The following PRKN variants were observed in gnomAD, a reference collection of about 807,000 sequenced individuals.
The protein encoded by PRKN is parkin RBR E3 ubiquitin protein ligase, also known as E3 ubiquitin-protein ligase parkin.
Under a neutral mutation model 59.5 loss-of-function variants are expected in PRKN, and 56 were observed. The ratio of observed to expected loss-of-function variants is 0.94; its 90% confidence interval spans 0.76 to 1.18. The LOEUF is 1.18. PRKN is among the 50% of genes most tolerant of loss of function. The pLI, the probability that PRKN is intolerant of heterozygous loss-of-function variation, is 0.00. For synonymous variants in PRKN, 250 were observed against 222.1 expected (o/e 1.13, Z -1.12); for missense variants, 657 against 596.4 (o/e 1.10, Z -1.06).
intron 6 of PRKN, among the ~76,000 whole-genome samples, chr6:161,951,718 C>T (rs1292291596): frequency 6.6e-6 from 1 of 152,082 alleles, no homozygotes; most frequent in East Asian, 1.9e-4. Context: ...GAGTTGGAGA[C>T]CAGCCTGGCC....
At chr6:161,855,099 GA>G (rs1192856013) in intron 6 of PRKN, among the ~76,000 whole-genome samples, 7,849 of 130,848 alleles carry the variant, frequency 0.06, 209 homozygotes, top group Non-Finnish European at 0.071. Flanking sequence ...AAAAAAAAAA[GA>G]AAAAAAAAAA....
At chr6:162,488,746 G>A (rs1279537723) in intron 1 of PRKN, among the ~76,000 whole-genome samples, 4 of 152,142 alleles carry the variant, frequency 2.6e-5, no homozygotes, top group African/African-American at 9.7e-5. Context: ...AGGCCCCGAC[G>A]CATAGCAAGG....
intron 8 of PRKN, among the ~76,000 whole-genome samples, chr6:161,558,157 G>A (rs1780311900): frequency 6.6e-6 from 1 of 152,150 alleles, no homozygotes; most frequent in African/African-American, 2.4e-5. Context: ...ATCTTTTGCT[G>A]ACATCCACAC....
intron 9 of PRKN, among the ~76,000 whole-genome samples, chr6:161,411,170 G>A (rs1787524670): frequency 6.6e-6 from 1 of 152,094 alleles, no homozygotes; most frequent in African/African-American, 2.4e-5. Flanking sequence ...CAGTGACATG[G>A]CTTGGCTGTG....
intron 11 of PRKN, among the ~76,000 whole-genome samples, chr6:161,350,457 T>G (rs1460350900): frequency 1.3e-5 from 2 of 151,032 alleles, no homozygotes; most frequent in East Asian, 3.9e-4. Flanking sequence ...GGAACAAATT[T>G]TATTTGTAAA....
At chr6:161,883,514 G>A (rs1795021011) in intron 6 of PRKN, among the ~76,000 whole-genome samples, 1 of 146,256 alleles carries the variant, frequency 6.8e-6, no homozygotes, top group East Asian at 2.1e-4. Context: ...GGAAGGTGGG[G>A]AGGGGAGGGG....
intron 2 of PRKN, among the ~76,000 whole-genome samples, chr6:162,346,900 T>G (rs1049262493): frequency 2.6e-5 from 4 of 151,954 alleles, no homozygotes; most frequent in African/African-American, 9.7e-5. Context: ...TATATATGTG[T>G]CTATATCTAT....
chr6:161,376,013 C>A lies in PRKN; in HGVS notation c.1167+10781G>T, dbSNP rs375881437. ...AGATCTCCGGGAATAATAAATTACACCCATCTCCCAATACTGGGACTGCAT... is the reference window on the plus strand; with the variant it reads ...AGATCTCCGGGAATAATAAATTACAACCATCTCCCAATACTGGGACTGCAT... On this transcript the variant is annotated intron_variant, in intron 10 of 11. Transcript: ENST00000366898. This position sits in a 1 kb window ranked among gnomAD's most constrained non-coding sequence, Gnocchi z 7.3. Among the ~76,000 whole-genome samples the A allele has an allele frequency of 1.3e-5, 2 of 152,310 alleles. No individual in the cohort carries two copies. Among genetic ancestry groups the A allele is most frequent in the East Asian group, 3.9e-4 (2 of 5,184 alleles).
intron 6 of PRKN, among the ~76,000 whole-genome samples, chr6:161,934,015 C>A (rs182707714): frequency 2.6e-5 from 4 of 152,276 alleles, no homozygotes; most frequent in Admixed American, 2.0e-4. Context: ...GTATCCCTGC[C>A]CAAATCTCAC....
intron 5 of PRKN, among the ~76,000 whole-genome samples, chr6:162,011,278 TTATAAA>T (rs1445254329): frequency 4.9e-5 from 1 of 20,348 alleles, no homozygotes; most frequent in African/African-American, 1.8e-4. Flanking sequence ...TAATATATAT[TTATAAA>T]ATATGTAATA....
chr6:162,494,096 G>A (rs571110420), intron 1 of PRKN, among the ~76,000 whole-genome samples: 1 of 152,260 alleles, frequency 6.6e-6, no homozygotes. Flanking sequence ...GTGGCTGTCT[G>A]GACTACATTT....
At chr6:161,490,013 A>G (rs1169019458) in intron 9 of PRKN, among the ~76,000 whole-genome samples, 1 of 152,226 alleles carries the variant, frequency 6.6e-6, no homozygotes, top group African/African-American at 2.4e-5. Context: ...CTGTTCCTGC[A>G]GTGGCATCAA....
Position 161,587,007 on chromosome 6 carries a change from C to T in PRKN, c.872-17591G>A, listed in dbSNP as rs1423085650. Among the ~76,000 whole-genome samples the T allele has an allele frequency of 1.3e-5, 2 of 152,150 alleles. 1 individual carries two copies. Among genetic ancestry groups the T allele is most frequent in the Non-Finnish European group, 2.9e-5 (2 of 68,020 alleles). ...GGGGTCAATGGGTTAATTTTCACTG[C>T]CTTGTTTTCACTACACTTACCGCTA... On this transcript the variant is annotated intron_variant, in intron 7 of 11. Transcript: ENST00000366898.
chr6:162,632,472 T>A (rs903793682), intron 1 of PRKN, among the ~76,000 whole-genome samples: 1 of 151,984 alleles, frequency 6.6e-6, no homozygotes, highest in African/African-American at 2.4e-5. Context: ...CACCTGGACA[T>A]AACAATGGAC....
Position 161,467,862 on chromosome 6 carries a change from T to G in PRKN, c.1084-80985A>C, listed in dbSNP as rs1450806999. On this transcript the variant is annotated intron_variant, in intron 9 of 11. Coordinates refer to ENST00000366898, the MANE Select transcript of PRKN (RefSeq NM_004562.3). This position sits in a 1 kb window ranked among gnomAD's most constrained non-coding sequence, Gnocchi z 4.3. ...AGGAGGAATGGCCATGGCTCCCTTG[T>G]GACCATGGAGGTCCCACACTGTCCG... Among the ~76,000 whole-genome samples, 3 of 152,058 alleles carry G rather than the reference T, an allele frequency of 2.0e-5. No homozygotes were observed. Among genetic ancestry groups the G allele is most frequent in the African/African-American group, 7.2e-5 (3 of 41,420 alleles).
chr6:161,694,909 C>T (rs1485214791), intron 7 of PRKN, among the ~76,000 whole-genome samples: 6 of 152,132 alleles, frequency 3.9e-5, no homozygotes, highest in African/African-American at 9.7e-5. Context: ...ACACTCACTG[C>T]GGGATCAGAA....
At position 161,545,216 on chromosome 6, in the gene PRKN, G is replaced by T; in HGVS notation, c.1083+3638C>A. On this transcript the variant is annotated intron_variant, in intron 9 of 11. Transcript: ENST00000366898. This position sits in a 1 kb window ranked among gnomAD's most constrained non-coding sequence, Gnocchi z 4.1. Reference sequence around the variant, plus strand: ...ACTTTTTCTATCTTGATAATTGAGGGAAAAAAAAATTAAGCACGGGTGAAT... The same window carrying T: ...ACTTTTTCTATCTTGATAATTGAGGTAAAAAAAAATTAAGCACGGGTGAAT... The T allele has an allele frequency of 1.5e-6, 2 of 1,329,896 alleles. No individual in the cohort carries two copies. The highest frequency in any genetic ancestry group is 1.9e-6 in the Non-Finnish European group (2 of 1,039,246). The allele number at this position is 1,329,896 out of a possible 1,614,324, so 82.4% of individuals were successfully genotyped here. A position where few individuals can be genotyped will look rare whatever the true frequency, so the allele number is the denominator to read the frequency against.
intron 6 of PRKN, among the ~76,000 whole-genome samples, chr6:161,947,778 AAATATACTTT>A (rs1185730538): frequency 6.6e-6 from 1 of 152,186 alleles, no homozygotes; most frequent in Non-Finnish European, 1.5e-5. Context: ...CATAGATTTA[AAATATACTTT>A]AACAAATATT....
intron 7 of PRKN, among the ~76,000 whole-genome samples, chr6:161,685,730 C>T (rs756332674): frequency 2.0e-5 from 3 of 152,192 alleles, no homozygotes; most frequent in Admixed American, 6.5e-5. Context: ...GGAAAGACTA[C>T]ACATGTATGA....
Sources: gnomAD v4.1 joint callset for allele counts (sites outside exome capture counted in the v4.1 genomes callset) on GRCh38, gnomAD v4.1.1 for gene constraint, Gnocchi (gnomAD v3.1) non-coding constraint, MANE v1.5 for transcripts, NCBI Gene and HGNC (gene_info 2026-07-23, HGNC 2026-07-21) for gene names.